CEMIP2: variants seen among roughly 807,000 people sequenced by gnomAD.
CEMIP2 encodes the protein cell surface hyaluronidase CEMIP2.
A neutral mutation model predicts 146.9 loss-of-function variants in CEMIP2; 79 were observed. The ratio of observed to expected loss-of-function variants is 0.54; its 90% CI spans 0.45 to 0.65. The LOEUF is 0.65. CEMIP2 is among the 30% of genes least tolerant of loss of function. The pLI is 0.00. For synonymous variants in CEMIP2, 601 were observed against 606.3 expected, an observed-to-expected ratio of 0.99 and a Z score of 0.13; for missense variants, 1,596 against 1,696.2, an observed-to-expected ratio of 0.94 and a Z score of 1.04.
chr9:71,751,665 A>G (rs574089652), intron 1 of CEMIP2, among the ~76,000 whole-genome samples: 2 of 152,262 alleles, frequency 1.3e-5, no homozygotes, highest in Admixed American at 6.5e-5. Flanking sequence ...TGGATTTTAC[A>G]TTTTAAAAAA....
intron 18 of CEMIP2, among the ~76,000 whole-genome samples, chr9:71,701,657 G>A (rs915807148): frequency 6.6e-6 from 1 of 152,040 alleles, no homozygotes; most frequent in African/African-American, 2.4e-5. Context: ...GTATGTAAAG[G>A]TATATGCCTT....
upstream of CEMIP2, chr9:71,768,943 A>G: frequency 6.6e-6 from 1 of 151,736 alleles, no homozygotes; most frequent in Non-Finnish European, 1.5e-5. Context: ...AGGCGGAGGG[A>G]GAGGAGGAGC....
Position 71,728,269 on chromosome 9 carries a change from A to ATATATATACG in CEMIP2, c.2049+1575_2049+1576insCGTATATATA, listed in dbSNP as rs1554684691. Among the ~76,000 whole-genome samples, 2 of 15,082 alleles carry ATATATATACG rather than the reference A, an allele frequency of 1.3e-4. 1 individual carries two copies. The highest frequency in any genetic ancestry group is 3.0e-4 in the Non-Finnish European group (2 of 6,614). 9.9% of individuals were successfully genotyped at this position (15,082 alleles called of 152,430 possible). On this transcript the variant is annotated intron_variant, in intron 10 of 23. Transcript: ENST00000377044. Reference sequence around the variant, plus strand: ...TATATATGTATATACACGTATATATATATATATATATGTATATATATATAT... The same window carrying ATATATATACG: ...TATATATGTATATACACGTATATATATATATATACGTATATATATATGTATATATATATAT...
chr9:71,702,822 G>C (rs954130687), intron 18 of CEMIP2, among the ~76,000 whole-genome samples: 2 of 152,062 alleles, frequency 1.3e-5, no homozygotes, highest in African/African-American at 2.4e-5. Flanking sequence ...GAAACTTCTA[G>C]GCTCAGCATT....
intron 16 of CEMIP2, among the ~76,000 whole-genome samples, chr9:71,710,985 GTGAA>G: frequency 6.6e-6 from 1 of 152,204 alleles, no homozygotes; most frequent in East Asian, 1.9e-4. Flanking sequence ...GTGGGTGGAT[GTGAA>G]TGAAAGAATG....
intron 10 of CEMIP2, among the ~76,000 whole-genome samples, chr9:71,727,818 T>C (rs1453642620): frequency 1.3e-5 from 2 of 152,164 alleles, no homozygotes; most frequent in Non-Finnish European, 2.9e-5. Context: ...CCCAGCACTT[T>C]GGGAGGCCAA....
intron 1 of CEMIP2, among the ~76,000 whole-genome samples, chr9:71,755,972 A>AC (rs1160431989): frequency 1.8e-5 from 2 of 113,742 alleles, no homozygotes; most frequent in African/African-American, 5.5e-5. Flanking sequence ...AAAAAAAAAA[A>AC]AAAAAAAAAA....
At position 71,712,075 on chromosome 9, in the gene CEMIP2, A is replaced by G. The variant is rs760370032; in HGVS notation, c.2769+8T>C. Reference sequence around the variant, plus strand: ...AGTCACTACGTAAGAACTACAGAACATACTTACATGTGGACCAAACTTCAC... The same window carrying G: ...AGTCACTACGTAAGAACTACAGAACGTACTTACATGTGGACCAAACTTCAC... On this transcript the variant is annotated splice_region_variant and intron_variant, in intron 16 of 23. Coordinates refer to ENST00000377044, the MANE Select transcript of CEMIP2 (RefSeq NM_013390.3). The G allele has an allele frequency of 6.2e-7, 1 of 1,613,250 alleles. No individual in the cohort carries two copies. The highest frequency in any genetic ancestry group is 1.1e-5 in the South Asian group (1 of 90,910).
At position 71,725,573 on chromosome 9, in the gene CEMIP2, A is replaced by G; in HGVS notation, c.2178+8T>C. On this transcript the variant is annotated splice_region_variant and intron_variant, in intron 11 of 23. Coordinates refer to ENST00000377044, the MANE Select transcript of CEMIP2 (RefSeq NM_013390.3). Reference sequence around the variant, plus strand: ...ATATGTACTAATTGTTAAAACTTAGAAACCTACCTTAAAATTTGAATGGAC... The same window carrying G: ...ATATGTACTAATTGTTAAAACTTAGGAACCTACCTTAAAATTTGAATGGAC... 1 of 1,613,204 alleles carries G rather than the reference A, an allele frequency of 6.2e-7. No homozygotes were observed. Among genetic ancestry groups the G allele is most frequent in the Non-Finnish European group, 8.5e-7 (1 of 1,179,744 alleles).
At chr9:71,722,112 C>T (rs1823247764) in intron 12 of CEMIP2, among the ~76,000 whole-genome samples, 1 of 152,194 alleles carries the variant, frequency 6.6e-6, no homozygotes, top group Non-Finnish European at 1.5e-5. Flanking sequence ...TTCAATGAAT[C>T]ATACTGCACA....
intron 10 of CEMIP2, 74 bp downstream of exon 10, chr9:71,729,771 A>G (rs1823560556): frequency 6.8e-7 from 1 of 1,464,078 alleles, no homozygotes; most frequent in Admixed American, 1.7e-5. Flanking sequence ...ACATGACATT[A>G]AATCCAAATA....
chr9:71,737,681 T>C (rs917750195), intron 5 of CEMIP2, among the ~76,000 whole-genome samples: 1 of 152,104 alleles, frequency 6.6e-6, no homozygotes, highest in Non-Finnish European at 1.5e-5. Context: ...CTGCCAACTA[T>C]CCAGATAAAA....
At chr9:71,768,269 A>C (rs1283544506) in intron 1 of CEMIP2, 88 bp downstream of exon 1, 1 of 114,094 alleles carries the variant, frequency 8.8e-6, no homozygotes, top group African/African-American at 3.4e-5. Context: ...GGTGGGCGAG[A>C]CCCGGGTCTG....
intron 10 of CEMIP2, among the ~76,000 whole-genome samples, chr9:71,726,434 C>CTA (rs202005694): frequency 0.07 from 10,696 of 152,188 alleles, 532 homozygotes; most frequent in South Asian, 0.19. Flanking sequence ...CTTTATGGAA[C>CTA]TTCGATTAAA....
At chr9:71,753,630 T>C (rs1824325117) in intron 1 of CEMIP2, among the ~76,000 whole-genome samples, 1 of 152,182 alleles carries the variant, frequency 6.6e-6, no homozygotes, top group Non-Finnish European at 1.5e-5. Flanking sequence ...TGTTGCACCA[T>C]GTATTAGAAT....
rs779042667 is a variant in CEMIP2 at position 71,715,102 on chromosome 9, G to A, written c.2436-13C>T. On this transcript the variant is annotated splice_polypyrimidine_tract_variant and intron_variant, in intron 14 of 23. Transcript: ENST00000377044. ...GAAGCTTCCATCACTGTTAAAATGC[G>A]AACAATCATTAGCTACATTTCTCCA... 35 of 1,611,326 alleles carry A rather than the reference G, an allele frequency of 2.2e-5. No homozygotes were observed. Among genetic ancestry groups the A allele is most frequent in the African/African-American group, 1.1e-4 (8 of 74,678 alleles).
chr9:71,764,557 G>A (rs746770856), intron 1 of CEMIP2, among the ~76,000 whole-genome samples: 8 of 151,946 alleles, frequency 5.3e-5, no homozygotes, highest in Non-Finnish European at 1.2e-4. Flanking sequence ...TTATCTTTGA[G>A]GTCCCTTCAA....
chr9:71,690,775 G>T (rs1822205022), intron 21 of CEMIP2, among the ~76,000 whole-genome samples: 1 of 152,148 alleles, frequency 6.6e-6, no homozygotes, highest in Non-Finnish European at 1.5e-5. Flanking sequence ...ATGACAAAGT[G>T]ATAATTTTAC....
chr9:71,720,330 G>C (rs570020791), intron 12 of CEMIP2, among the ~76,000 whole-genome samples: 1 of 152,076 alleles, frequency 6.6e-6, no homozygotes, highest in East Asian at 1.9e-4. Context: ...TTGCCTTTTT[G>C]CTCAGGCTAG....
Sources: allele counts gnomAD v4.1 joint callset (sites outside exome capture counted in the v4.1 genomes callset), GRCh38; gene constraint gnomAD v4.1.1; transcripts MANE v1.5; gene names NCBI Gene and HGNC (gene_info 2026-07-23, HGNC 2026-07-21).